RFC1: variants seen among roughly 807,000 people sequenced by gnomAD.
The protein encoded by RFC1 is replication factor C subunit 1, also known as A1 140 kDa subunit.
Under a neutral mutation model 137.4 loss-of-function variants are expected in RFC1, and 37 were observed. That is an observed-to-expected ratio of 0.27 (90% CI 0.21 to 0.35). RFC1 has a LOEUF of 0.35. Among genes scored for constraint, RFC1 ranks in the 10% least tolerant of loss-of-function variants. The pLI is 1.00. For synonymous variants in RFC1, 429 were observed against 455.7 expected, an observed-to-expected ratio of 0.94 and a Z score of 0.75; for missense variants, 1,205 against 1,358.5, an observed-to-expected ratio of 0.89 and a Z score of 1.78.
chr4:39,306,499 C>CAG lies in RFC1; in HGVS notation c.1995+92_1995+93insCT. ...TTTATATATAGACACCACACACACA[C>CAG]ATGCACACGCACAGATGTGGGTACA... On this transcript the variant is annotated intron_variant, in intron 14 of 24. Transcript: ENST00000349703. 4.4e-6 allele frequency: 3 copies of CAG among 685,086 alleles called. No individual in the cohort carries two copies. The South Asian group carries it at 5.0e-5, about 11-fold the overall frequency. 42.4% of individuals were successfully genotyped at this position (685,086 alleles called of 1,614,324 possible).
At chr4:39,294,077 A>G (rs1337344552) in intron 22 of RFC1, among the ~76,000 whole-genome samples, 2 of 152,192 alleles carry the variant, frequency 1.3e-5, no homozygotes, top group African/African-American at 4.8e-5. Flanking sequence ...CCAGCTCAAG[A>G]TCAGGACTGA....
intron 10 of RFC1, among the ~76,000 whole-genome samples, chr4:39,315,166 G>A (rs1019308620): frequency 7.2e-5 from 11 of 152,248 alleles, no homozygotes; most frequent in Non-Finnish European, 1.2e-4. Flanking sequence ...TGCCTCCACT[G>A]TCCTTAGCTC....
Position 39,312,920 on chromosome 4 carries a change from AT to A in RFC1, c.1214del (p.Asn405IlefsTer9). On this transcript the variant is annotated frameshift_variant, in exon 11 of 25. Transcript: ENST00000349703. LOFTEE classifies it high-confidence loss of function. The part of the protein sequence containing the change: ...GSKEIPKGAE[N>X]CLEGLIFVIT... ...TTACAAATATAAGGCCTTCCAAGCA[AT>A]TTTCAGCTCCCTAAAAACCAAAATG... 1 of 1,603,798 alleles carries A rather than the reference AT, an allele frequency of 6.2e-7. No homozygotes were observed. Among genetic ancestry groups the A allele is most frequent in the Non-Finnish European group, 8.5e-7 (1 of 1,174,024 alleles).
At chr4:39,345,624 C>T (rs1740820671) in intron 2 of RFC1, 148 bp from the exon 3 acceptor site, 1 of 569,654 alleles carries the variant, frequency 1.8e-6, no homozygotes, top group Non-Finnish European at 3.0e-6. Flanking sequence ...AGGTTCACGC[C>T]ATTCTCCTGC....
At chr4:39,366,007 A>G (rs1364372230) in intron 1 of RFC1, among the ~76,000 whole-genome samples, 1 of 152,132 alleles carries the variant, frequency 6.6e-6, no homozygotes, top group Non-Finnish European at 1.5e-5. Flanking sequence ...AAGTGCAAGT[A>G]CACGTAGCAA....
At chr4:39,290,181 T>C (rs962102054) in intron 23 of RFC1, 142 bp from the exon 24 acceptor site, 1 of 545,492 alleles carries the variant, frequency 1.8e-6, no homozygotes, top group Non-Finnish European at 3.2e-6. Flanking sequence ...TCTAAGTACG[T>C]GCATTTTTCT....
chr4:39,357,129 G>T (rs1188755699), intron 1 of RFC1, among the ~76,000 whole-genome samples: 3 of 152,016 alleles, frequency 2.0e-5, no homozygotes, highest in Admixed American at 2.0e-4. Context: ...TCCATCTTTA[G>T]AAAACAAAGC....
intron 4 of RFC1, among the ~76,000 whole-genome samples, chr4:39,338,111 A>T (rs1214520727): frequency 6.6e-6 from 1 of 152,248 alleles, no homozygotes; most frequent in Non-Finnish European, 1.5e-5. Context: ...TTGGGTTTTT[A>T]CCAACCTTGA....
Position 39,327,733 on chromosome 4 carries a change from T to G in RFC1, c.355A>C (p.Lys119Gln). Residue 119 changes from lysine to glutamine, a missense_variant, in exon 5 of 25, where the codon AAG becomes CAG. Physicochemically the swap from Lys to Gln is moderately conservative, Grantham distance 53. Around this residue, in one of 3 missense-constraint regions of RFC1, gnomAD observed 962 missense variants for 1,035.3 expected, o/e 0.93. Coordinates refer to ENST00000349703, the MANE Select transcript of RFC1 (RefSeq NM_002913.5). ...TCTTTTGATTTAGAGGCCGCCTTCT[T>G]ACACATAAAGTCATCTTCTTCATCT... ...ETDEEDDFMCKKAASKSKENG... is the reference protein window; with the variant it reads ...ETDEEDDFMCQKAASKSKENG... 6.2e-7 allele frequency: 1 copy of G among 1,608,196 alleles called. No homozygotes were observed. The highest frequency in any genetic ancestry group is 8.5e-7 in the Non-Finnish European group (1 of 1,177,902).
At chr4:39,311,259 G>A (rs1738947229) in intron 12 of RFC1, among the ~76,000 whole-genome samples, 186 bp downstream of exon 12, 1 of 152,090 alleles carries the variant, frequency 6.6e-6, no homozygotes, top group Admixed American at 6.6e-5. Context: ...ACAAAGATAA[G>A]GAAAAACAAC....
In RFC1 at chr4:39,308,727, T is replaced by A. The variant is rs377460974; in HGVS notation, c.1794A>T (p.Ile598=). Residue 598 remains isoleucine (I), a synonymous_variant, in exon 13 of 25, where the codon ATA becomes ATT. Transcript: ENST00000349703. Reference sequence around the variant, plus strand: ...AGCTCTGGTCACCTTGCTGTCCAATTATGGTCTTGAGCGAGGTTGGCTTAT... The same window carrying A: ...AGCTCTGGTCACCTTGCTGTCCAATAATGGTCTTGAGCGAGGTTGGCTTAT... ...DKYKPTSLKT[I]IGQQGDQSCA... The A allele has an allele frequency of 5.6e-6, 9 of 1,614,062 alleles. No individual in the cohort carries two copies. In the African/African-American group the frequency reaches 1.2e-4, roughly 22 times the overall value.
At position 39,320,623 on chromosome 4, in the gene RFC1, C is replaced by T; in HGVS notation, c.855G>A (p.Arg285=). ...TTGAACTTTCATATTTACTTTGCTTCCTAGGACTGTAGCTCTTTCTTTCAT... is the reference window on the plus strand; with the variant it reads ...TTGAACTTTCATATTTACTTTGCTTTCTAGGACTGTAGCTCTTTCTTTCAT... ...VSDERKSYSP[R]KQSKYESSKE... is the part of the protein sequence containing the mutation. Residue 285 remains arginine, a synonymous_variant, in exon 9 of 25, where the codon AGG becomes AGA. Transcript: ENST00000349703. 2.5e-6 allele frequency: 4 copies of T among 1,605,792 alleles called. No individual in the cohort carries two copies. Among genetic ancestry groups the T allele is most frequent in the Non-Finnish European group, 3.4e-6 (4 of 1,177,936 alleles).
intron 15 of RFC1, among the ~76,000 whole-genome samples, chr4:39,303,859 C>T (rs1738498668): frequency 1.3e-5 from 2 of 152,190 alleles, no homozygotes; most frequent in African/African-American, 2.4e-5. Context: ...TTGTATCACA[C>T]ACTTTACTTA....
intron 7 of RFC1, 85 bp downstream of exon 7, chr4:39,323,255 G>T: frequency 1.1e-6 from 1 of 900,348 alleles, no homozygotes; most frequent in Non-Finnish European, 1.6e-6. Context: ...AGTTATTCAT[G>T]TTTTGGCTAG....
At chr4:39,310,336 G>GT (rs1738905682) in intron 12 of RFC1, among the ~76,000 whole-genome samples, 2 of 152,218 alleles carry the variant, frequency 1.3e-5, no homozygotes, top group South Asian at 2.1e-4. Context: ...AGGGAAAAAT[G>GT]TAAGGTTCGA....
At position 39,300,134 on chromosome 4, in the gene RFC1, C is replaced by T; in HGVS notation, c.2695G>A (p.Asp899Asn). The change falls in exon 21 of 25, where the codon GAC (aspartate) becomes AAC (asparagine). Residue 899 changes from aspartate (D) to asparagine (N), a missense_variant. Asp to Asn is a conservative substitution (Grantham distance 23). Transcript: ENST00000349703. Reference protein sequence around the residue: ...IHVKPVAAGGDMKKHLMLLSR... With the variant: ...IHVKPVAAGGNMKKHLMLLSR... Reference sequence around the variant, plus strand: ...AAAAGCATCAGGTGCTTTTTCATGTCACCCCTGCAGGAAAGAACCAGTCTG... The same window carrying T: ...AAAAGCATCAGGTGCTTTTTCATGTTACCCCTGCAGGAAAGAACCAGTCTG... 1 of 1,613,680 alleles carries T rather than the reference C, an allele frequency of 6.2e-7. No homozygotes were observed. Among genetic ancestry groups the T allele is most frequent in the Non-Finnish European group, 8.5e-7 (1 of 1,179,618 alleles).
intron 16 of RFC1, 44 bp from the exon 17 acceptor site, chr4:39,302,918 G>T: frequency 6.5e-7 from 1 of 1,548,538 alleles, no homozygotes; most frequent in South Asian, 1.2e-5. Flanking sequence ...TTTTAAAAAT[G>T]ACAAATACCA....
At chr4:39,346,260 TG>T (rs1171573534) in intron 2 of RFC1, among the ~76,000 whole-genome samples, 2 of 152,164 alleles carry the variant, frequency 1.3e-5, no homozygotes, top group Non-Finnish European at 2.9e-5. Context: ...GCAGATCACC[TG>T]AAGTCAGGAG....
intron 10 of RFC1, among the ~76,000 whole-genome samples, chr4:39,314,482 A>G (rs1211951527): frequency 6.6e-6 from 1 of 152,118 alleles, no homozygotes; most frequent in Non-Finnish European, 1.5e-5. Context: ...CTCTTACTCC[A>G]GGAGCAGCCA....
Sources: allele counts gnomAD v4.1 joint callset (sites outside exome capture counted in the v4.1 genomes callset), GRCh38; gene constraint gnomAD v4.1.1; regional missense constraint gnomAD v4.1.1; transcripts MANE v1.5; gene names NCBI Gene and HGNC (gene_info 2026-07-23, HGNC 2026-07-21).